The following MYO5C variants were observed in gnomAD, a reference collection of about 807,000 sequenced individuals.
MYO5C encodes myosin VC.
Under a neutral mutation model 235.7 loss-of-function variants are expected in MYO5C, and 194 were observed. The ratio of observed to expected loss-of-function variants is 0.82; its 90% CI spans 0.73 to 0.93. The LOEUF is 0.93. Ranked by LOEUF, MYO5C falls within the 40% of genes least tolerant of loss-of-function variation. The probability of loss-of-function intolerance (pLI) is 0.00; values close to 1 mark genes in which losing one functional copy is unlikely to be tolerated. For synonymous variants in MYO5C, 707 were observed against 754.8 expected, an observed-to-expected ratio of 0.94 and a Z score of 1.04; for missense variants, 2,038 against 2,127.2, an observed-to-expected ratio of 0.96 and a Z score of 0.82.
intron 1 of MYO5C, among the ~76,000 whole-genome samples, chr15:52,291,729 A>ATGTTTTTTTTTTTTTTGTTT (rs2037391547): frequency 4.3e-5 from 2 of 46,724 alleles, no homozygotes; most frequent in East Asian, 3.8e-4. Flanking sequence ...TGCATATTTT[A>ATGTTTTTTTTTTTTTTGTTT]TGTTTTTTTT....
intron 10 of MYO5C, among the ~76,000 whole-genome samples, chr15:52,260,270 G>A (rs2036664601): frequency 6.6e-6 from 1 of 152,224 alleles, no homozygotes; most frequent in African/African-American, 2.4e-5. Flanking sequence ...GAAAATCCAA[G>A]ACCTTCTCAC....
chr15:52,248,110 T>C (rs976853361), intron 14 of MYO5C, among the ~76,000 whole-genome samples: 1 of 152,212 alleles, frequency 6.6e-6, no homozygotes, highest in Non-Finnish European at 1.5e-5. Context: ...TTAAATGTCT[T>C]ATCTTCTCTC....
In MYO5C at chr15:52,273,698, A is replaced by G. The variant is rs141020288; in HGVS notation, c.607-975T>C. ...TGGACTTCCAGCCTCCAGAATTGCG[A>G]GAAATAAATTTCTGTTGTTTATAAG... On this transcript the variant is annotated intron_variant, in intron 5 of 40. Coordinates refer to ENST00000261839, the MANE Select transcript of MYO5C (RefSeq NM_018728.4). Among the ~76,000 whole-genome samples, 34 of 152,310 alleles carry G rather than the reference A, an allele frequency of 2.2e-4. 1 individual carries two copies. In the East Asian group the frequency reaches 6.6e-3, roughly 29 times the overall value.
At chr15:52,279,167 C>T in intron 3 of MYO5C, 150 bp from the exon 4 acceptor site, 1 of 822,634 alleles carries the variant, frequency 1.2e-6, no homozygotes, top group African/African-American at 1.7e-5. Context: ...TAATTCCCTG[C>T]CAGTCACCTA....
Position 52,247,504 on chromosome 15 carries a change from A to G in MYO5C, c.1835T>C (p.Val612Ala). The change falls in exon 15 of 41, where the codon GTC becomes GCC. Residue 612 changes from valine to alanine, a missense_variant. Coordinates refer to ENST00000261839, the MANE Select transcript of MYO5C (RefSeq NM_018728.4). ...GAAATGCTTGCTGTTTGGCTTGATG[A>G]CTTGCTTTGCAGATTTAACTGTAAT... ...SMITVKSAKQ[V>A]IKPNSKHFRT... 1 of 1,614,158 alleles carries G rather than the reference A, an allele frequency of 6.2e-7. No homozygotes were observed. The highest frequency in any genetic ancestry group is 8.5e-7 in the Non-Finnish European group (1 of 1,180,010).
intron 8 of MYO5C, among the ~76,000 whole-genome samples, chr15:52,269,303 A>C (rs2036871047): frequency 6.6e-6 from 1 of 152,220 alleles, no homozygotes; most frequent in South Asian, 2.1e-4. Flanking sequence ...TTAGTCTCCA[A>C]ATATGTTCTG....
intron 38 of MYO5C, among the ~76,000 whole-genome samples, chr15:52,199,358 A>T (rs1232723174): frequency 6.6e-6 from 1 of 152,174 alleles, no homozygotes; most frequent in South Asian, 2.1e-4. Flanking sequence ...AGTGAGATGG[A>T]GTAACCACAC....
intron 20 of MYO5C, among the ~76,000 whole-genome samples, 175 bp from the exon 21 acceptor site, chr15:52,240,054 A>G (rs59941481): frequency 0.028 from 4,312 of 152,316 alleles, 240 homozygotes; most frequent in African/African-American, 0.097. Flanking sequence ...TACCTGTAGC[A>G]GGTGTATATG....
chr15:52,238,588 A>C (rs1423938917), intron 21 of MYO5C, among the ~76,000 whole-genome samples: 3 of 152,196 alleles, frequency 2.0e-5, no homozygotes, highest in Non-Finnish European at 4.4e-5. Flanking sequence ...TGTGTGTTCC[A>C]TAGCCCTCCC....
Position 52,272,568 on chromosome 15 carries a change from T to A in MYO5C, c.750+12A>T. On this transcript the variant is annotated intron_variant, in intron 6 of 40. Coordinates refer to ENST00000261839, the MANE Select transcript of MYO5C (RefSeq NM_018728.4). ...GCTCAAAAAGTTGGGGAAAAGGAAA[T>A]TTAATACTTACTTGAAAGACAACTC... 6.2e-7 allele frequency: 1 copy of A among 1,609,898 alleles called. No individual in the cohort carries two copies. The highest frequency in any genetic ancestry group is 1.7e-5 in the Admixed American group (1 of 59,030).
rs58155289 is a variant in MYO5C at position 52,246,312 on chromosome 15, G to A, written c.1980-270C>T. Among the ~76,000 whole-genome samples, 254 of 152,312 alleles carry A rather than the reference G, an allele frequency of 1.7e-3. 1 individual carries two copies. Among genetic ancestry groups the A allele is most frequent in the African/African-American group, 6.0e-3 (251 of 41,572 alleles). On this transcript the variant is annotated intron_variant, in intron 16 of 40. Coordinates refer to ENST00000261839, the MANE Select transcript of MYO5C (RefSeq NM_018728.4). ...CTGGCCTTTGAGGTGAGCTTCAAAC[G>A]ACAACCAGGTGGAAAGAAATATGCT...
At chr15:52,289,108 T>C (rs2037335947) in intron 1 of MYO5C, among the ~76,000 whole-genome samples, 2 of 152,074 alleles carry the variant, frequency 1.3e-5, no homozygotes, top group Non-Finnish European at 2.9e-5. Flanking sequence ...CCAGGCCAGA[T>C]TGTCACACCA....
intron 11 of MYO5C, among the ~76,000 whole-genome samples, 163 bp downstream of exon 11, chr15:52,256,476 T>C (rs2036580846): frequency 6.6e-6 from 1 of 151,578 alleles, no homozygotes; most frequent in Admixed American, 6.6e-5. Context: ...TTTCAAGATT[T>C]GGCCACAAGG....
rs1220732671 is a variant in MYO5C, at chr15:52,247,131, C to T, written c.1882-117G>A. ...AATAGGAAGAAAAGTTAACCTCATGCATAAACACCTATTATGAAAGGTTTC... is the reference window on the plus strand; with the variant it reads ...AATAGGAAGAAAAGTTAACCTCATGTATAAACACCTATTATGAAAGGTTTC... On this transcript the variant is annotated intron_variant, in intron 15 of 40. Coordinates refer to ENST00000261839, the MANE Select transcript of MYO5C (RefSeq NM_018728.4). The T allele has an allele frequency of 3.7e-6, 3 of 812,864 alleles. No individual in the cohort carries two copies. In the East Asian group the frequency reaches 7.5e-5, roughly 20 times the overall value. 50.4% of individuals were successfully genotyped at this position (812,864 alleles called of 1,614,324 possible).
intron 33 of MYO5C, 81 bp from the exon 34 acceptor site, chr15:52,213,367 A>C (rs1159655578): frequency 8.6e-6 from 8 of 925,954 alleles, no homozygotes; most frequent in Non-Finnish European, 1.4e-5. Context: ...CTCCTACCCC[A>C]TTCTGGCTGG....
At chr15:52,202,166 T>C (rs2035203110) in intron 38 of MYO5C, among the ~76,000 whole-genome samples, 1 of 152,048 alleles carries the variant, frequency 6.6e-6, no homozygotes, top group African/African-American at 2.4e-5. Flanking sequence ...CATATGCCTG[T>C]AGGAGTTCAA....
intron 1 of MYO5C, among the ~76,000 whole-genome samples, chr15:52,292,754 T>C (rs894366664): frequency 1.3e-5 from 2 of 152,144 alleles, no homozygotes; most frequent in Admixed American, 6.5e-5. Flanking sequence ...GAAGGCACCG[T>C]GTGGAGGGGC....
chr15:52,271,952 T>G, intron 6 of MYO5C, 108 bp from the exon 7 acceptor site: 1 of 596,800 alleles, frequency 1.7e-6, no homozygotes, highest in Non-Finnish European at 2.8e-6. Flanking sequence ...GATAATTCTC[T>G]GTCTGGGATG....
At chr15:52,196,906 C>CA (rs1280012810) in intron 38 of MYO5C, among the ~76,000 whole-genome samples, 3 of 152,174 alleles carry the variant, frequency 2.0e-5, no homozygotes, top group Non-Finnish European at 2.9e-5. Context: ...TTATTTCTGT[C>CA]ACTAATTGCC....
Sources: gnomAD v4.1 joint callset for allele counts (sites outside exome capture counted in the v4.1 genomes callset) on GRCh38, gnomAD v4.1.1 for gene constraint, MANE v1.5 for transcripts, NCBI Gene and HGNC (gene_info 2026-07-23, HGNC 2026-07-21) for gene names.